Variants in EPHA6 observed in about 807,000 individuals in gnomAD.
The protein encoded by EPHA6 is ephrin type-A receptor 6.
Under a neutral mutation model 112.0 loss-of-function variants are expected in EPHA6, and 50 were observed. The ratio of observed to expected loss-of-function variants is 0.45; its 90% CI spans 0.36 to 0.56. The LOEUF is 0.56. EPHA6 is among the 20% of genes least tolerant of loss of function. The pLI is 0.00. For missense variants in EPHA6, 1,280 were observed against 1,417.4 expected, an observed-to-expected ratio of 0.90 and a Z score of 1.56; for synonymous variants, 529 against 490.7, an observed-to-expected ratio of 1.08 and a Z score of -1.03.
At position 97,489,414 on chromosome 3, in the gene EPHA6, G is replaced by A. The variant is rs191895498; in HGVS notation, c.2200+5355G>A. Among the ~76,000 whole-genome samples, 8 of 152,158 alleles carry A rather than the reference G, an allele frequency of 5.3e-5. No individual in the cohort carries two copies. In the East Asian group the frequency reaches 9.7e-4, roughly 18 times the overall value. ...ATTAAAGAAACTCAAGGCAGGGCAC[G>A]GTGACTCACGCCTGTAATCCCAGCA... On this transcript the variant is annotated intron_variant, in intron 10 of 17. Coordinates refer to ENST00000389672, the MANE Select transcript of EPHA6 (RefSeq NM_001080448.3).
rs561520846 is a variant in EPHA6, at chr3:97,672,212, T to C, written c.2784+34130T>C. On this transcript the variant is annotated intron_variant, in intron 14 of 17. Transcript: ENST00000389672. ...CAAGATCTGGTTCTTACCTATTAAA[T>C]CACCCAAAGTGCTTTTACAGGGCTA... Among the ~76,000 whole-genome samples, 11 of 152,330 alleles carry C rather than the reference T, an allele frequency of 7.2e-5. No homozygotes were observed. The East Asian group carries it at 2.1e-3, about 29-fold the overall frequency.
chr3:97,096,527 A>C (rs528557141), intron 3 of EPHA6, among the ~76,000 whole-genome samples: 1 of 151,882 alleles, frequency 6.6e-6, no homozygotes, highest in Non-Finnish European at 1.5e-5. Flanking sequence ...CTCATGCCTT[A>C]TGACTTTTCT....
At chr3:97,275,114 A>G (rs565673558) in intron 5 of EPHA6, among the ~76,000 whole-genome samples, 7 of 152,332 alleles carry the variant, frequency 4.6e-5, no homozygotes, top group African/African-American at 1.7e-4. Flanking sequence ...TTGTTTGGAC[A>G]GAAAGGCTAC....
At chr3:97,727,663 C>CCA (rs1415474225) in intron 15 of EPHA6, among the ~76,000 whole-genome samples, 4 of 151,996 alleles carry the variant, frequency 2.6e-5, no homozygotes, top group Non-Finnish European at 5.9e-5. Context: ...TTTCCACCTT[C>CCA]TATAATACAG....
chr3:96,830,787 G>A (rs926232481), intron 1 of EPHA6, among the ~76,000 whole-genome samples: 9 of 151,854 alleles, frequency 5.9e-5, no homozygotes, highest in African/African-American at 1.9e-4. Context: ...GGAAATGGGG[G>A]GGACATTGAT....
chr3:97,493,550 C>T (rs1450089686), intron 10 of EPHA6, among the ~76,000 whole-genome samples: 2 of 151,742 alleles, frequency 1.3e-5, no homozygotes, highest in Non-Finnish European at 2.9e-5. Context: ...TTCCAAAAGA[C>T]CATATGTCCA....
At chr3:97,702,200 A>G (rs534789121) in intron 14 of EPHA6, among the ~76,000 whole-genome samples, 2 of 152,318 alleles carry the variant, frequency 1.3e-5, no homozygotes, top group South Asian at 4.1e-4. Flanking sequence ...GGTCAAAACT[A>G]TGCATTTTTA....
intron 5 of EPHA6, among the ~76,000 whole-genome samples, chr3:97,254,447 C>A (rs2079242898): frequency 6.6e-6 from 1 of 152,180 alleles, no homozygotes; most frequent in South Asian, 2.1e-4. Context: ...CTTGGCCTCC[C>A]AAAGTGCTGG....
At chr3:96,937,678 T>A (rs1316487248) in intron 2 of EPHA6, among the ~76,000 whole-genome samples, 2 of 152,144 alleles carry the variant, frequency 1.3e-5, no homozygotes, top group African/African-American at 4.8e-5. Context: ...ATGAAGTCCT[T>A]GCCCATGCCT....
At chr3:97,101,712 T>C (rs2108261662) in intron 3 of EPHA6, among the ~76,000 whole-genome samples, 2 of 152,240 alleles carry the variant, frequency 1.3e-5, no homozygotes, top group Admixed American at 1.3e-4. Flanking sequence ...TTTGGAAATA[T>C]GTGGATTATC....
At chr3:97,261,562 C>T (rs1640072004) in intron 5 of EPHA6, among the ~76,000 whole-genome samples, 1 of 152,154 alleles carries the variant, frequency 6.6e-6, no homozygotes. Flanking sequence ...ATTTACATTC[C>T]TGGCTCCTAT....
chr3:97,313,973 G>T (rs1201021872), intron 5 of EPHA6, among the ~76,000 whole-genome samples: 1 of 151,602 alleles, frequency 6.6e-6, no homozygotes, highest in Non-Finnish European at 1.5e-5. Context: ...ATGTCATGGA[G>T]CTTTCTTCCT....
intron 2 of EPHA6, among the ~76,000 whole-genome samples, chr3:96,871,587 T>A (rs2036624602): frequency 6.8e-6 from 1 of 147,790 alleles, no homozygotes; most frequent in Non-Finnish European, 1.5e-5. Flanking sequence ...GAATGAGTAC[T>A]TTTTTCATTT....
rs1403651077 is a variant in EPHA6 at position 97,032,953 on chromosome 3, G to A, written c.1114+44960G>A. Reference sequence around the variant, plus strand: ...GGAGTTAACACCACTTAAATATTGTGCCAAAATCATGTCACAATGCACTCT... The same window carrying A: ...GGAGTTAACACCACTTAAATATTGTACCAAAATCATGTCACAATGCACTCT... On this transcript the variant is annotated intron_variant, in intron 3 of 17. Coordinates refer to ENST00000389672, the MANE Select transcript of EPHA6 (RefSeq NM_001080448.3). 4.0e-5 allele frequency among the ~76,000 whole-genome samples: 6 copies of A among 151,784 alleles called. No individual in the cohort carries two copies. In the East Asian group the frequency reaches 9.7e-4, roughly 24 times the overall value.
At chr3:96,993,649 A>G (rs939397215) in intron 3 of EPHA6, among the ~76,000 whole-genome samples, 5 of 152,098 alleles carry the variant, frequency 3.3e-5, no homozygotes, top group African/African-American at 1.2e-4. Flanking sequence ...TAAGTTTCTC[A>G]TTATTAATTA....
chr3:97,496,218 C>G (rs2091974134), intron 10 of EPHA6, among the ~76,000 whole-genome samples: 1 of 152,104 alleles, frequency 6.6e-6, no homozygotes, highest in Non-Finnish European at 1.5e-5. Flanking sequence ...ACATGGAAAG[C>G]TCTGATATTC....
chr3:96,974,863 C>T (rs956851882), intron 2 of EPHA6, among the ~76,000 whole-genome samples: 1 of 152,096 alleles, frequency 6.6e-6, no homozygotes, highest in South Asian at 2.1e-4. Context: ...ATGTTGAATA[C>T]AGTGTGATAA....
chr3:97,234,172 G>A (rs576757087), intron 4 of EPHA6, among the ~76,000 whole-genome samples: 26 of 152,182 alleles, frequency 1.7e-4, no homozygotes, highest in African/African-American at 5.8e-4. Context: ...CACATTCAAA[G>A]CTAATCCTTC....
At chr3:97,556,245 G>T (rs913542995) in intron 11 of EPHA6, among the ~76,000 whole-genome samples, 25 of 152,050 alleles carry the variant, frequency 1.6e-4, no homozygotes, top group Non-Finnish European at 3.2e-4. Context: ...TTCCTCGTGT[G>T]ACCCTTTTGT....
Sources: allele counts gnomAD v4.1 joint callset (sites outside exome capture counted in the v4.1 genomes callset), GRCh38; gene constraint gnomAD v4.1.1; transcripts MANE v1.5; gene names NCBI Gene and HGNC (gene_info 2026-07-23, HGNC 2026-07-21).